The following AGFG1 variants were observed in gnomAD, a reference collection of about 807,000 sequenced individuals.
AGFG1 encodes arf-GAP domain and FG repeat-containing protein 1.
Under a neutral mutation model 60.6 loss-of-function variants are expected in AGFG1, and 10 were observed. The observed-to-expected ratio is 0.16, with a 90% CI of 0.10 to 0.28. The LOEUF (loss-of-function observed/expected upper bound fraction) is 0.28, where lower values mean the gene tolerates loss of function less well. Ranked by LOEUF, AGFG1 falls within the 10% of genes least tolerant of loss-of-function variation. The probability of loss-of-function intolerance (pLI) is 1.00; values close to 1 mark genes in which losing one functional copy is unlikely to be tolerated. For synonymous variants in AGFG1, 247 were observed against 242.9 expected (o/e 1.02, Z -0.16); for missense variants, 537 against 676.5 (o/e 0.79, Z 2.29).
In AGFG1 at chr2:227,549,784, T is replaced by C. The variant is rs567651335; in HGVS notation, c.1379-2175T>C. ...ATGACTGTAAAAAAGTTGATGCCTA[T>C]TTGTTTAAAAAATTGATTTCATCAC... On this transcript the variant is annotated intron_variant, in intron 10 of 12. Transcript: ENST00000310078. 1.1e-4 allele frequency among the ~76,000 whole-genome samples: 17 copies of C among 152,326 alleles called. No homozygotes were observed. In the South Asian group the frequency reaches 3.3e-3, roughly 30 times the overall value.
chr2:227,544,508 T>C (rs918912781), intron 10 of AGFG1, among the ~76,000 whole-genome samples: 28 of 152,210 alleles, frequency 1.8e-4, no homozygotes, highest in African/African-American at 6.8e-4. Flanking sequence ...ATTATGATGT[T>C]AGCTGGTTAT....
chr2:227,536,639 C>A lies in AGFG1; in HGVS notation c.1220C>A (p.Thr407Lys), dbSNP rs1459437198. The change falls in exon 9 of 13, where the codon ACA becomes AAA. Residue 407 changes from threonine to lysine, a missense_variant. This residue lies in a region of AGFG1 where 287 missense variants were observed against 343.6 expected (regional missense o/e 0.84). Coordinates refer to ENST00000310078, the MANE Select transcript of AGFG1 (RefSeq NM_004504.5). ...TSNASSNVFG[T>K]VPVVASAQTQ... is the part of the protein sequence containing the mutation. ...TTTGTTCTCAGCAATGTTTTTGGAA[C>A]AGTGCCAGTGGTTGCTTCTGCACAG... is the stretch of plus-strand genomic sequence containing the variant. 10 of 1,613,158 alleles carry A rather than the reference C, an allele frequency of 6.2e-6. No individual in the cohort carries two copies. The highest frequency in any genetic ancestry group is 8.5e-6 in the Non-Finnish European group (10 of 1,179,618).
At chr2:227,472,939 A>C (rs557960007) in intron 1 of AGFG1, among the ~76,000 whole-genome samples, 1 of 122,256 alleles carries the variant, frequency 8.2e-6, no homozygotes, top group African/African-American at 3.1e-5. Flanking sequence ...CTCTCCAGCT[A>C]CCCGGGGCGC....
At chr2:227,534,387 A>G (rs1278661449) in intron 7 of AGFG1, among the ~76,000 whole-genome samples, 1 of 152,234 alleles carries the variant, frequency 6.6e-6, no homozygotes, top group Non-Finnish European at 1.5e-5. Context: ...CATATAGAAC[A>G]GTGCCTAGCA....
intron 10 of AGFG1, among the ~76,000 whole-genome samples, chr2:227,545,286 T>C (rs6436702): frequency 0.6 from 91,329 of 151,986 alleles, 27,506 homozygotes; most frequent in South Asian, 0.7. Flanking sequence ...ACATAGTTCT[T>C]GTGCCATGGT....
At position 227,516,215 on chromosome 2, in the gene AGFG1, A is replaced by G. The variant is rs949242623; in HGVS notation, c.262-3733A>G. On this transcript the variant is annotated intron_variant, in intron 2 of 12. Transcript: ENST00000310078. ...CAGAATAACCTGGAGGACTTGATAA[A>G]ACAGATTGCTGGGTTCTACCTAGAG... 2.0e-5 allele frequency among the ~76,000 whole-genome samples: 3 copies of G among 152,296 alleles called. No individual in the cohort carries two copies. In the South Asian group the frequency reaches 6.2e-4, roughly 32 times the overall value.
chr2:227,531,282 A>G (rs2106217937), intron 6 of AGFG1, 72 bp downstream of exon 6: 1 of 1,510,022 alleles, frequency 6.6e-7, no homozygotes, highest in Non-Finnish European at 8.9e-7. Flanking sequence ...AGTTTTGAAA[A>G]ATTAGTCTAA....
At chr2:227,553,892 G>A (rs1332219075) in intron 12 of AGFG1, 97 bp downstream of exon 12, 1 of 871,608 alleles carries the variant, frequency 1.1e-6, no homozygotes, top group Non-Finnish European at 1.8e-6. Context: ...GGTATTTGGT[G>A]TTATATTGAT....
At chr2:227,534,786 T>C in intron 7 of AGFG1, 59 bp from the exon 8 acceptor site, 1 of 1,576,608 alleles carries the variant, frequency 6.3e-7, no homozygotes, top group Non-Finnish European at 8.6e-7. Flanking sequence ...CAAATGTGGT[T>C]GATAAGTTGA....
intron 1 of AGFG1, among the ~76,000 whole-genome samples, chr2:227,478,592 C>T (rs1426163324): frequency 6.6e-6 from 1 of 152,146 alleles, no homozygotes; most frequent in Admixed American, 6.5e-5. Flanking sequence ...CCTTGGTCTT[C>T]CAAATTGTGG....
chr2:227,530,994 A>C (rs1692140630), intron 5 of AGFG1, 97 bp from the exon 6 acceptor site: 1 of 1,135,708 alleles, frequency 8.8e-7, no homozygotes, highest in Non-Finnish European at 1.2e-6. Context: ...GTTTTGATAC[A>C]TAGAAACTTT....
chr2:227,558,512 A>G lies in AGFG1; in HGVS notation c.*4017A>G, dbSNP rs933306077. On this transcript the variant is annotated 3_prime_UTR_variant, in exon 13 of 13. Coordinates refer to ENST00000310078, the MANE Select transcript of AGFG1 (RefSeq NM_004504.5). ...TTTGTAAAGCATTCCACCTTTATTG[A>G]TACAGTTTGTGGCCTATACACTTTT... 1 of 152,064 alleles carries G rather than the reference A, an allele frequency of 6.6e-6. No homozygotes were observed. The highest frequency in any genetic ancestry group is 2.4e-5 in the African/African-American group (1 of 41,402). 9.4% of individuals were successfully genotyped at this position (152,064 alleles called of 1,614,324 possible).
chr2:227,480,835 A>T (rs928612716), intron 1 of AGFG1, among the ~76,000 whole-genome samples: 1 of 152,174 alleles, frequency 6.6e-6, no homozygotes, highest in Non-Finnish European at 1.5e-5. Flanking sequence ...AAAATGTTTT[A>T]TTCTGCCTTC....
chr2:227,547,041 A>C (rs1241930624), intron 10 of AGFG1, among the ~76,000 whole-genome samples: 1 of 152,248 alleles, frequency 6.6e-6, no homozygotes, highest in African/African-American at 2.4e-5. Context: ...ATCTGATATT[A>C]ATACCCAGAA....
intron 5 of AGFG1, among the ~76,000 whole-genome samples, chr2:227,528,364 T>A (rs1692058967): frequency 6.6e-6 from 1 of 152,128 alleles, no homozygotes; most frequent in South Asian, 2.1e-4. Flanking sequence ...TAGATTTCCC[T>A]TCTCCTGTGT....
At chr2:227,551,161 G>A (rs1227207531) in intron 10 of AGFG1, among the ~76,000 whole-genome samples, 1 of 152,180 alleles carries the variant, frequency 6.6e-6, no homozygotes, top group Non-Finnish European at 1.5e-5. Flanking sequence ...GAATACAGTA[G>A]CATTGAACAC....
chr2:227,536,083 A>G (rs1559193799), intron 8 of AGFG1, among the ~76,000 whole-genome samples: 1 of 151,990 alleles, frequency 6.6e-6, no homozygotes, highest in African/African-American at 2.4e-5. Flanking sequence ...GGTTTGTTAC[A>G]TAGGTATACA....
chr2:227,514,688 C>T (rs954295046), intron 2 of AGFG1, among the ~76,000 whole-genome samples: 12 of 152,170 alleles, frequency 7.9e-5, no homozygotes, highest in African/African-American at 2.9e-4. Flanking sequence ...CTTGTCCAAG[C>T]TCATTAACTA....
chr2:227,498,681 A>G (rs1430218894), intron 2 of AGFG1, among the ~76,000 whole-genome samples: 11 of 152,230 alleles, frequency 7.2e-5, no homozygotes, highest in Admixed American at 5.9e-4. Context: ...AAATGTAGAC[A>G]TGTCTTTGTG....
Sources: allele counts gnomAD v4.1 joint callset (sites outside exome capture counted in the v4.1 genomes callset), GRCh38; gene constraint gnomAD v4.1.1; regional missense constraint gnomAD v4.1.1; transcripts MANE v1.5; gene names NCBI Gene and HGNC (gene_info 2026-07-23, HGNC 2026-07-21).